Variants in GPC5 observed in about 807,000 individuals in gnomAD.
GPC5 encodes the protein glypican-5.
In GPC5, 47 loss-of-function variants were observed where a neutral mutation model predicts 53.9. That is an observed-to-expected ratio of 0.87 (90% CI 0.69 to 1.11). The LOEUF (loss-of-function observed/expected upper bound fraction) is 1.11, where lower values mean the gene tolerates loss of function less well. Among genes scored for constraint, GPC5 ranks in the 50% most tolerant of loss-of-function variants. The pLI, the probability that GPC5 is intolerant of heterozygous loss-of-function variation, is 0.00. For synonymous variants in GPC5, 286 were observed against 263.3 expected (o/e 1.09, Z -0.84); for missense variants, 748 against 713.1 (o/e 1.05, Z -0.56).
intron 2 of GPC5, among the ~76,000 whole-genome samples, chr13:91,551,696 C>T (rs1450892886): frequency 1.3e-5 from 2 of 151,958 alleles, no homozygotes; most frequent in African/African-American, 4.8e-5. Flanking sequence ...TGTTTCTTTT[C>T]TGTTTGTTCT....
chr13:91,530,752 G>A (rs1356150832), intron 2 of GPC5, among the ~76,000 whole-genome samples: 1 of 152,072 alleles, frequency 6.6e-6, no homozygotes, highest in African/African-American at 2.4e-5. Context: ...GCGAGATATT[G>A]GAATATTTAG....
chr13:91,665,421 T>C (rs1594400057), intron 2 of GPC5, among the ~76,000 whole-genome samples: 1 of 152,222 alleles, frequency 6.6e-6, no homozygotes. Context: ...ACCTGTGTAA[T>C]ATTCCATAGT....
intron 1 of GPC5, among the ~76,000 whole-genome samples, chr13:91,429,200 G>A (rs1156736992): frequency 6.6e-6 from 1 of 152,206 alleles, no homozygotes. Flanking sequence ...GATTACAGGT[G>A]TGAACAACTG....
intron 2 of GPC5, among the ~76,000 whole-genome samples, chr13:91,533,336 T>A (rs1207382565): frequency 6.6e-6 from 1 of 152,194 alleles, no homozygotes; most frequent in African/African-American, 2.4e-5. Context: ...CTTGAGAAAA[T>A]TAGTTCAAAG....
intron 5 of GPC5, among the ~76,000 whole-genome samples, chr13:91,893,717 A>G (rs932777989): frequency 2.0e-5 from 3 of 152,106 alleles, no homozygotes; most frequent in Non-Finnish European, 4.4e-5. Flanking sequence ...GTGGACCAAC[A>G]TTTTAGATAC....
chr13:91,604,070 T>A (rs990151274), intron 2 of GPC5, among the ~76,000 whole-genome samples: 1 of 149,490 alleles, frequency 6.7e-6, no homozygotes, highest in East Asian at 2.0e-4. Flanking sequence ...TCATCTAGCA[T>A]TAGGTATATC....
At chr13:92,526,504 A>G (rs1439521327) in intron 7 of GPC5, among the ~76,000 whole-genome samples, 3 of 152,084 alleles carry the variant, frequency 2.0e-5, no homozygotes, top group African/African-American at 7.2e-5. Context: ...CAGGAGCCAG[A>G]TCACACAGGA....
intron 7 of GPC5, among the ~76,000 whole-genome samples, chr13:92,604,926 G>A (rs1884201539): frequency 6.6e-6 from 1 of 152,080 alleles, no homozygotes; most frequent in Admixed American, 6.6e-5. Flanking sequence ...GTGGAATCTT[G>A]CTGACTCTTC....
chr13:92,477,868 G>A (rs1304954986), intron 7 of GPC5, among the ~76,000 whole-genome samples: 2 of 152,022 alleles, frequency 1.3e-5, no homozygotes, highest in Admixed American at 6.6e-5. Flanking sequence ...TGTAACCGGT[G>A]TTGTCCAGTA....
chr13:91,527,541 T>C (rs1261826417), intron 2 of GPC5, among the ~76,000 whole-genome samples: 1 of 152,218 alleles, frequency 6.6e-6, no homozygotes, highest in Non-Finnish European at 1.5e-5. Context: ...TCCAGGCTCA[T>C]GGGGTAAGCT....
intron 2 of GPC5, among the ~76,000 whole-genome samples, chr13:91,483,565 G>A (rs1210677044): frequency 6.6e-6 from 1 of 152,114 alleles, no homozygotes; most frequent in Non-Finnish European, 1.5e-5. Flanking sequence ...GAGCTTCCGT[G>A]ATTTCTGCTG....
chr13:92,632,480 A>ATG (rs1885275895), intron 7 of GPC5, among the ~76,000 whole-genome samples: 1 of 131,190 alleles, frequency 7.6e-6, no homozygotes, highest in African/African-American at 2.8e-5. Flanking sequence ...ATATATATAT[A>ATG]TATATACACA....
At chr13:91,797,647 A>G (rs2038067520) in intron 5 of GPC5, among the ~76,000 whole-genome samples, 1 of 152,202 alleles carries the variant, frequency 6.6e-6, no homozygotes, top group Non-Finnish European at 1.5e-5. Flanking sequence ...AGAGCTCTAC[A>G]TCTGCCTCTG....
intron 7 of GPC5, among the ~76,000 whole-genome samples, chr13:92,391,548 T>C (rs1566570958): frequency 6.6e-6 from 1 of 152,186 alleles, no homozygotes; most frequent in African/African-American, 2.4e-5. Flanking sequence ...TTCCCAAGTA[T>C]AATGGAATAT....
intron 5 of GPC5, among the ~76,000 whole-genome samples, chr13:91,890,086 T>C (rs998154531): frequency 6.6e-6 from 1 of 152,112 alleles, no homozygotes; most frequent in Non-Finnish European, 1.5e-5. Flanking sequence ...TACACAATTG[T>C]TTTGACATAG....
chr13:91,869,394 G>A (rs1424783780), intron 5 of GPC5, among the ~76,000 whole-genome samples: 2 of 152,106 alleles, frequency 1.3e-5, no homozygotes, highest in Non-Finnish European at 2.9e-5. Context: ...ATTATTAATT[G>A]TATTCTTGGA....
chr13:91,783,286 T>C (rs1044726413), intron 5 of GPC5, among the ~76,000 whole-genome samples: 1 of 150,830 alleles, frequency 6.6e-6, no homozygotes, highest in Non-Finnish European at 1.5e-5. Context: ...ATAAATACAA[T>C]TTGAAGACAA....
At chr13:91,804,250 A>T (rs1055977610) in intron 5 of GPC5, among the ~76,000 whole-genome samples, 5 of 150,474 alleles carry the variant, frequency 3.3e-5, no homozygotes, top group African/African-American at 9.8e-5. Context: ...TCTTGATTTT[A>T]AAAAAAGTCA....
intron 7 of GPC5, among the ~76,000 whole-genome samples, chr13:92,460,845 A>G (rs1204150063): frequency 6.6e-6 from 1 of 152,158 alleles, no homozygotes; most frequent in Non-Finnish European, 1.5e-5. Context: ...AACCCTCAGG[A>G]CCTTGGATCC....
Sources: gnomAD v4.1 joint callset for allele counts (sites outside exome capture counted in the v4.1 genomes callset) on GRCh38, gnomAD v4.1.1 for gene constraint, MANE v1.5 for transcripts, NCBI Gene and HGNC (gene_info 2026-07-23, HGNC 2026-07-21) for gene names.